The following ADCY10 variants were observed in gnomAD, a reference collection of about 807,000 sequenced individuals.
ADCY10 encodes the protein adenylate cyclase 10.
Under a neutral mutation model 183.3 loss-of-function variants are expected in ADCY10, and 156 were observed. The observed-to-expected ratio is 0.85, with a 90% CI of 0.75 to 0.97. ADCY10 has a LOEUF of 0.97. ADCY10 is among the 50% of genes least tolerant of loss of function. The pLI is 0.00. For missense variants in ADCY10, 1,745 were observed against 1,934.3 expected, an observed-to-expected ratio of 0.90 and a Z score of 1.84; for synonymous variants, 645 against 670.0, an observed-to-expected ratio of 0.96 and a Z score of 0.58.
At chr1:167,820,145 T>A in intron 30 of ADCY10, 1 of 1,550,106 alleles carries the variant, frequency 6.5e-7, no homozygotes, top group Non-Finnish European at 8.7e-7. Flanking sequence ...TTTGGATCCC[T>A]TAATTTCCTG....
intron 23 of ADCY10, among the ~76,000 whole-genome samples, chr1:167,835,848 C>T (rs1664153210): frequency 1.3e-5 from 2 of 152,130 alleles, no homozygotes; most frequent in Non-Finnish European, 2.9e-5. Flanking sequence ...AGAGATCGCG[C>T]CACTACACTC....
At chr1:167,823,424 CAA>C (rs34394385) in intron 28 of ADCY10, among the ~76,000 whole-genome samples, 61 of 42,830 alleles carry the variant, frequency 1.4e-3, no homozygotes, top group African/African-American at 4.3e-3. Flanking sequence ...AACTCCATCT[CAA>C]AAAAAAAAAA....
At chr1:167,863,742 C>T (rs1003723137) in intron 14 of ADCY10, among the ~76,000 whole-genome samples, 15 of 152,180 alleles carry the variant, frequency 9.9e-5, no homozygotes, top group Non-Finnish European at 2.2e-4. Flanking sequence ...TGGGACACCT[C>T]GCCAGAGCAG....
chr1:167,815,056 C>T (rs1488933388), intron 31 of ADCY10, among the ~76,000 whole-genome samples: 3 of 151,932 alleles, frequency 2.0e-5, no homozygotes, highest in South Asian at 2.1e-4. Flanking sequence ...ACCTAGGAGA[C>T]GGAGGTTGCA....
chr1:167,883,863 C>A (rs1332453909), intron 8 of ADCY10, among the ~76,000 whole-genome samples: 2 of 152,210 alleles, frequency 1.3e-5, no homozygotes, highest in Non-Finnish European at 2.9e-5. Context: ...CACTCCATTA[C>A]CCCAACTGCT....
rs1558182757 is a variant in ADCY10 at position 167,848,440 on chromosome 1, A to G, written c.2358T>C (p.Ser786=). ...GACAGACTTCTTCACTTTCCTTATC[A>G]CTATGGAGAGTAACCATGTTTAACT... is the stretch of plus-strand genomic sequence containing the variant. ...TEKLNMVTLH[S]DKESEEVCHL... is the part of the protein sequence containing the mutation. Residue 786 remains serine (S), a synonymous_variant, in exon 19 of 33, where the codon AGT becomes AGC. Transcript: ENST00000367851. 6.2e-7 allele frequency: 1 copy of G among 1,612,734 alleles called. No homozygotes were observed. Among genetic ancestry groups the G allele is most frequent in the Non-Finnish European group, 8.5e-7 (1 of 1,178,776 alleles).
At chr1:167,883,722 A>C in intron 8 of ADCY10, 94 bp from the exon 9 acceptor site, 3 of 1,166,336 alleles carry the variant, frequency 2.6e-6, no homozygotes, top group South Asian at 1.3e-5. Flanking sequence ...CATCTAGGGA[A>C]TGTCTACCTC....
chr1:167,878,543 G>T lies in ADCY10; in HGVS notation c.1309C>A (p.Leu437Ile), dbSNP rs758645855. 6.2e-7 allele frequency: 1 copy of T among 1,614,168 alleles called. No homozygotes were observed. Among genetic ancestry groups the T allele is most frequent in the South Asian group, 1.1e-5 (1 of 91,080 alleles). ...CDSVTYNGSNLPAYFFKELPK... is the reference protein window; with the variant it reads ...CDSVTYNGSNIPAYFFKELPK... ...AGCTCTTTAAAAAAGTACGCTGGTAGGTTGCTCCCATTGTAGGTGACAGAG... is the reference window on the plus strand; with the variant it reads ...AGCTCTTTAAAAAAGTACGCTGGTATGTTGCTCCCATTGTAGGTGACAGAG... Residue 437 changes from leucine (L) to isoleucine (I), a missense_variant, in exon 12 of 33, where the codon CTA (leucine) becomes ATA (isoleucine). Physicochemically the swap from Leu to Ile is conservative, Grantham distance 5. Coordinates refer to ENST00000367851, the MANE Select transcript of ADCY10 (RefSeq NM_018417.6).
rs561336381 is a variant in ADCY10 at position 167,841,124 on chromosome 1, G to A, written c.3008-3806C>T. Among the ~76,000 whole-genome samples the A allele has an allele frequency of 9.9e-5, 15 of 151,864 alleles. No individual in the cohort carries two copies. The South Asian group carries it at 2.1e-3, about 21-fold the overall frequency. ...CCCAGCTAATTTTTTTGTATTTTTT[G>A]TAGAGGGAGAGTTCATCATGCTTCT... On this transcript the variant is annotated intron_variant, in intron 21 of 32. Transcript: ENST00000367851.
intron 21 of ADCY10, among the ~76,000 whole-genome samples, chr1:167,843,416 C>T (rs1329500790): frequency 2.0e-5 from 3 of 151,784 alleles, no homozygotes; most frequent in Non-Finnish European, 4.4e-5. Context: ...TCTTCTTTCC[C>T]CTTTCCCTCA....
At chr1:167,870,103 T>G (rs1293199081) in intron 14 of ADCY10, among the ~76,000 whole-genome samples, 154 bp downstream of exon 14, 1 of 152,222 alleles carries the variant, frequency 6.6e-6, no homozygotes, top group East Asian at 1.9e-4. Context: ...TCTATGTGTT[T>G]ATTGTTAGTT....
At chr1:167,865,374 A>T (rs184455722) in intron 14 of ADCY10, among the ~76,000 whole-genome samples, 136 of 152,332 alleles carry the variant, frequency 8.9e-4, no homozygotes, top group East Asian at 1.9e-3. Flanking sequence ...TTAAAGTAAA[A>T]ATGCAACAGG....
chr1:167,852,167 G>C (rs1665545419), intron 18 of ADCY10, among the ~76,000 whole-genome samples: 2 of 152,176 alleles, frequency 1.3e-5, no homozygotes, highest in Admixed American at 6.5e-5. Context: ...ACAGGGCCAG[G>C]TGCAGTGGCT....
intron 9 of ADCY10, 145 bp downstream of exon 9, chr1:167,883,292 C>A: frequency 1.2e-6 from 1 of 851,768 alleles, no homozygotes; most frequent in Non-Finnish European, 1.9e-6. Context: ...CCCACCTCTG[C>A]CTCCCAAAGA....
intron 11 of ADCY10, among the ~76,000 whole-genome samples, chr1:167,879,745 T>C (rs1403327620): frequency 1.3e-5 from 2 of 152,236 alleles, no homozygotes; most frequent in Non-Finnish European, 2.9e-5. Context: ...TACTCTCTTT[T>C]GAGAGTGTCA....
chr1:167,902,666 G>T (rs1440249319), intron 3 of ADCY10, among the ~76,000 whole-genome samples: 1 of 152,180 alleles, frequency 6.6e-6, no homozygotes, highest in Non-Finnish European at 1.5e-5. Context: ...ATTAAATTTT[G>T]TCTAGTGGGT....
At position 167,899,437 on chromosome 1, in the gene ADCY10, G is replaced by A; in HGVS notation, c.628C>T (p.Gln210Ter). 6.2e-7 allele frequency: 1 copy of A among 1,614,206 alleles called. No homozygotes were observed. The highest frequency in any genetic ancestry group is 8.5e-7 in the Non-Finnish European group (1 of 1,180,032). Reference protein sequence around the residue: ...SMIEIESVPDQRAVKVNFLKP... With the variant: ...SMIEIESVPD ...ATCACACCCACCTTAACTGCTCTCT[G>A]ATCTGGAACACTCTCAATTTCAATC... The change falls in exon 6 of 33, where the codon CAG becomes TAG. Residue 210 changes from glutamine (Q) to a stop codon, truncating the protein, a stop_gained. Transcript: ENST00000367851. LOFTEE classifies it high-confidence loss of function.
rs556058300 is a variant in ADCY10, at chr1:167,856,450, T to TG, written c.1897-12dup. On this transcript the variant is annotated splice_polypyrimidine_tract_variant and intron_variant, in intron 16 of 32. Transcript: ENST00000367851. ...TTCCTCTTTCACTATCTGGACAAGA[T>TG]GCAGAAAGAGAAAGAGAAACACCAT... The TG allele has an allele frequency of 6.0e-4, 965 of 1,614,100 alleles. 3 individuals carry two copies. The African/African-American group carries it at 6.8e-3, about 11-fold the overall frequency.
At chr1:167,835,732 C>T (rs1314571508) in intron 23 of ADCY10, among the ~76,000 whole-genome samples, 1 of 152,018 alleles carries the variant, frequency 6.6e-6, no homozygotes, top group Non-Finnish European at 1.5e-5. Flanking sequence ...CTACCAAGAA[C>T]ACAAAAAATT....
Sources: allele counts gnomAD v4.1 joint callset (sites outside exome capture counted in the v4.1 genomes callset), GRCh38; gene constraint gnomAD v4.1.1; transcripts MANE v1.5; gene names NCBI Gene and HGNC (gene_info 2026-07-23, HGNC 2026-07-21).